The following GLIS2 variants were observed in gnomAD, a reference collection of about 807,000 sequenced individuals.
GLIS2 encodes GLIS family zinc finger 2.
Under a neutral mutation model 35.6 loss-of-function variants are expected in GLIS2, and 14 were observed. The observed-to-expected ratio is 0.39, with a 90% CI of 0.26 to 0.61. The LOEUF is 0.61. Ranked by LOEUF, GLIS2 falls within the 20% of genes least tolerant of loss-of-function variation. The pLI is 0.48. For missense variants in GLIS2, 675 were observed against 713.4 expected (o/e 0.95, Z 0.61); for synonymous variants, 368 against 325.1 (o/e 1.13, Z -1.42).
In GLIS2 at chr16:4,335,680, G is replaced by A. The variant is rs1056128246; in HGVS notation, c.775+287G>A. On this transcript the variant is annotated intron_variant, in intron 6 of 6. Coordinates refer to ENST00000433375, the MANE Select transcript of GLIS2 (RefSeq NM_032575.3). The surrounding 1 kb of genome is among the most constrained non-coding windows in gnomAD (Gnocchi z 4.6). Reference sequence around the variant, plus strand: ...CTCTGTGATCGCAGAGGCCAGGTCGGCTTCACTCCTCACTACAGCCCAGGC... The same window carrying A: ...CTCTGTGATCGCAGAGGCCAGGTCGACTTCACTCCTCACTACAGCCCAGGC... Among the ~76,000 whole-genome samples, 3 of 152,206 alleles carry A rather than the reference G, an allele frequency of 2.0e-5. No homozygotes were observed. The highest frequency in any genetic ancestry group is 6.5e-5 in the Admixed American group (1 of 15,284).
intron 1 of GLIS2, among the ~76,000 whole-genome samples, chr16:4,327,711 G>A (rs1462960246): frequency 2.0e-5 from 3 of 152,016 alleles, no homozygotes; most frequent in South Asian, 4.1e-4. Context: ...CCTGCGGTGG[G>A]TGGGAAGGGC....
chr16:4,318,361 G>C (rs1386388437), intron 1 of GLIS2, among the ~76,000 whole-genome samples: 2 of 152,294 alleles, frequency 1.3e-5, no homozygotes, highest in East Asian at 3.9e-4. Context: ...GTGGAGGGGG[G>C]TCAGGGGGAG....
chr16:4,317,391 C>T (rs1269777387), intron 1 of GLIS2, among the ~76,000 whole-genome samples: 5 of 152,174 alleles, frequency 3.3e-5, no homozygotes, highest in Non-Finnish European at 7.4e-5. Flanking sequence ...CCTGCGTGTC[C>T]TGGCATCCTG....
At chr16:4,336,606 G>T in intron 6 of GLIS2, 119 bp from the exon 7 acceptor site, 1 of 1,019,826 alleles carries the variant, frequency 9.8e-7, no homozygotes, top group Non-Finnish European at 1.5e-6. Flanking sequence ...CCTGCCCCCA[G>T]AATTGGGGCA....
intron 1 of GLIS2, among the ~76,000 whole-genome samples, chr16:4,324,256 T>G (rs2053407430): frequency 6.6e-6 from 1 of 152,094 alleles, no homozygotes; most frequent in African/African-American, 2.4e-5. Flanking sequence ...TTCCAGGAAG[T>G]GCCGCCTGCC....
Position 4,335,467 on chromosome 16 carries a change from G to T in GLIS2, c.775+74G>T, listed in dbSNP as rs1480613757. On this transcript the variant is annotated intron_variant, in intron 6 of 6. Transcript: ENST00000433375. This position sits in a 1 kb window ranked among gnomAD's most constrained non-coding sequence, Gnocchi z 4.6. The stretch of plus-strand genomic sequence containing the variant: ...TGAGACCGGCTGGGCAGGTCCCCAG[G>T]GGGAGGGGACTGTTAAGTAAATCCC... 9 of 1,311,180 alleles carry T rather than the reference G, an allele frequency of 6.9e-6. No individual in the cohort carries two copies. The highest frequency in any genetic ancestry group is 5.5e-6 in the Non-Finnish European group (5 of 908,392). The allele number at this position is 1,311,180 out of a possible 1,614,324, so 81.2% of individuals were successfully genotyped here.
At chr16:4,319,399 T>C (rs1476216837) in intron 1 of GLIS2, among the ~76,000 whole-genome samples, 3 of 152,128 alleles carry the variant, frequency 2.0e-5, no homozygotes, top group African/African-American at 2.4e-5. Flanking sequence ...AGCTGAAAGA[T>C]GCTCTCCACC....
In GLIS2 at chr16:4,335,310, A is replaced by C. The variant is rs764627908; in HGVS notation, c.692A>C (p.Asn231Thr). 8 of 1,613,578 alleles carry C rather than the reference A, an allele frequency of 5.0e-6. No individual in the cohort carries two copies. The highest frequency in any genetic ancestry group is 2.7e-5 in the African/African-American group (2 of 74,880). The change falls in exon 6 of 7, where the codon AAC becomes ACC. Residue 231 changes from asparagine (N) to threonine (T), a missense_variant. Asn to Thr is a moderately conservative substitution (Grantham distance 65, BLOSUM62 0). Transcript: ENST00000433375. The surrounding 1 kb of genome is among the most constrained non-coding windows in gnomAD (Gnocchi z 4.6). ...KMLIHIRTHTNEKPHRCPTCS... is the reference protein window; with the variant it reads ...KMLIHIRTHTTEKPHRCPTCS... Reference sequence around the variant, plus strand: ...CTCATCCACATCCGCACACACACCAACGAGAAGCCACACCGCTGTCCGACC... The same window carrying C: ...CTCATCCACATCCGCACACACACCACCGAGAAGCCACACCGCTGTCCGACC...
At position 4,335,488 on chromosome 16, in the gene GLIS2, ATCCCGGGCC is replaced by A; in HGVS notation, c.775+98_775+106del. On this transcript the variant is annotated intron_variant, in intron 6 of 6. Coordinates refer to ENST00000433375, the MANE Select transcript of GLIS2 (RefSeq NM_032575.3). This position sits in a 1 kb window ranked among gnomAD's most constrained non-coding sequence, Gnocchi z 4.6. Reference sequence around the variant, plus strand: ...CCAGGGGGAGGGGACTGTTAAGTAAATCCCGGGCCTCAGAGATAAGGGTTGATGTCATCG... The same window carrying A: ...CCAGGGGGAGGGGACTGTTAAGTAAATCAGAGATAAGGGTTGATGTCATCG... 9.1e-7 allele frequency: 1 copy of A among 1,094,124 alleles called. No individual in the cohort carries two copies. Among genetic ancestry groups the A allele is most frequent in the Non-Finnish European group, 1.4e-6 (1 of 719,704 alleles). The allele number at this position is 1,094,124 out of a possible 1,614,324, so 67.8% of individuals were successfully genotyped here.
chr16:4,335,206 A>G lies in GLIS2; in HGVS notation c.656+13A>G. 1.2e-6 allele frequency: 2 copies of G among 1,613,004 alleles called. No homozygotes were observed. Among genetic ancestry groups the G allele is most frequent in the Non-Finnish European group, 1.7e-6 (2 of 1,179,888 alleles). Reference sequence around the variant, plus strand: ...GTTTCAACGCCAGGTGAGGTGGGGGAGAGAGGGGTAGAGGGAGGACTGGGG... The same window carrying G: ...GTTTCAACGCCAGGTGAGGTGGGGGGGAGAGGGGTAGAGGGAGGACTGGGG... On this transcript the variant is annotated intron_variant, in intron 5 of 6. Coordinates refer to ENST00000433375, the MANE Select transcript of GLIS2 (RefSeq NM_032575.3). The surrounding 1 kb of genome is among the most constrained non-coding windows in gnomAD (Gnocchi z 4.6).
chr16:4,327,613 C>T (rs969842144), intron 1 of GLIS2, among the ~76,000 whole-genome samples: 2 of 152,020 alleles, frequency 1.3e-5, no homozygotes, highest in South Asian at 2.1e-4. Flanking sequence ...GCCGTCTGCT[C>T]GGGCTGCGGT....
intron 1 of GLIS2, among the ~76,000 whole-genome samples, chr16:4,322,285 C>G (rs2053386806): frequency 6.6e-6 from 1 of 152,146 alleles, no homozygotes; most frequent in Non-Finnish European, 1.5e-5. Flanking sequence ...CCCAGCCTCT[C>G]TGAGGGGCCT....
At chr16:4,316,576 C>T (rs906357582) in intron 1 of GLIS2, among the ~76,000 whole-genome samples, 6 of 151,870 alleles carry the variant, frequency 4.0e-5, no homozygotes, top group Admixed American at 6.6e-5. Flanking sequence ...GTTGGGCGGC[C>T]GCGGTGGGGG....
At chr16:4,334,572 A>C (rs1280342832) in intron 3 of GLIS2, among the ~76,000 whole-genome samples, 7 of 151,760 alleles carry the variant, frequency 4.6e-5, no homozygotes, top group Admixed American at 4.6e-4. Flanking sequence ...TAAAAATTTA[A>C]AACACACCAG....
upstream of GLIS2, chr16:4,314,767 C>G (rs984265189): frequency 2.0e-5 from 3 of 152,306 alleles, no homozygotes; most frequent in African/African-American, 7.2e-5. Context: ...CGTCAGATGC[C>G]TCACCTCTAG....
rs1357316495 is a variant in GLIS2, at chr16:4,337,826, C to T, written c.*302C>T. 3.7e-6 allele frequency: 2 copies of T among 539,858 alleles called. No individual in the cohort carries two copies. Among genetic ancestry groups the T allele is most frequent in the Non-Finnish European group, 6.7e-6 (2 of 297,592 alleles). 33.4% of individuals were successfully genotyped at this position (539,858 alleles called of 1,614,324 possible). A position where few individuals can be genotyped will look rare whatever the true frequency, so the allele number is the denominator to read the frequency against. ...TCCCCTGCCCGACCTCCTCCCGTTT[C>T]CCTCTCCCACCCTGGCACCTCCCTC... On this transcript the variant is annotated 3_prime_UTR_variant, in exon 7 of 7. Transcript: ENST00000433375.
rs548170760 is a variant in GLIS2, at chr16:4,337,734, C to G, written c.*210C>G. The G allele has an allele frequency of 1.8e-4, 125 of 683,574 alleles. No individual in the cohort carries two copies. Among genetic ancestry groups the G allele is most frequent in the Non-Finnish European group, 3.0e-4 (118 of 394,902 alleles). The allele number at this position is 683,574 out of a possible 1,614,324, so 42.3% of individuals were successfully genotyped here. A position where few individuals can be genotyped will look rare whatever the true frequency, so the allele number is the denominator to read the frequency against. On this transcript the variant is annotated 3_prime_UTR_variant, in exon 7 of 7. Coordinates refer to ENST00000433375, the MANE Select transcript of GLIS2 (RefSeq NM_032575.3). The stretch of plus-strand genomic sequence containing the variant: ...GGCCTGTCATGCAGGGAGAGCTGTG[C>G]TCCTGGGTGCTGAAGCCTCGCTCCT...
Position 4,336,935 on chromosome 16 carries a change from T to C in GLIS2, c.986T>C (p.Leu329Pro). 1 of 1,612,042 alleles carries C rather than the reference T, an allele frequency of 6.2e-7. No homozygotes were observed. The highest frequency in any genetic ancestry group is 8.5e-7 in the Non-Finnish European group (1 of 1,179,810). ...HFVSHEQQEL[L>P]QLRPPPKPPL... ...GTGTCCCACGAGCAGCAAGAGCTCC[T>C]GCAGCTGCGCCCACCCCCCAAGCCG... The change falls in exon 7 of 7, where the codon CTG (leucine) becomes CCG (proline). Residue 329 changes from leucine (L) to proline (P), a missense_variant. Physicochemically the swap from Leu to Pro is moderately conservative, Grantham distance 98 (BLOSUM62 -3). Coordinates refer to ENST00000433375, the MANE Select transcript of GLIS2 (RefSeq NM_032575.3).
intron 1 of GLIS2, among the ~76,000 whole-genome samples, chr16:4,318,577 G>A (rs1027219707): frequency 9.9e-5 from 15 of 152,198 alleles, no homozygotes; most frequent in African/African-American, 3.6e-4. Flanking sequence ...CCCCTTGCAG[G>A]GAGGACAAGT....
Sources: gnomAD v4.1 joint callset for allele counts (sites outside exome capture counted in the v4.1 genomes callset) on GRCh38, gnomAD v4.1.1 for gene constraint, Gnocchi (gnomAD v3.1) non-coding constraint, MANE v1.5 for transcripts, NCBI Gene and HGNC (gene_info 2026-07-23, HGNC 2026-07-21) for gene names.